TRIM9: variants seen among roughly 807,000 people sequenced by gnomAD.
TRIM9 encodes E3 ubiquitin-protein ligase TRIM9.
In TRIM9, 26 loss-of-function variants were observed where a neutral mutation model predicts 78.3. That is an observed-to-expected ratio of 0.33 (90% CI 0.24 to 0.46). The LOEUF is 0.46. Ranked by LOEUF, TRIM9 falls within the 20% of genes least tolerant of loss-of-function variation. TRIM9 has a pLI of 1.00. For synonymous variants in TRIM9, 398 were observed against 416.5 expected (o/e 0.96, Z 0.54); for missense variants, 787 against 1,036.4 (o/e 0.76, Z 3.30).
intron 5 of TRIM9, 96 bp from the exon 6 acceptor site, chr14:51,000,936 A>C: frequency 6.9e-7 from 1 of 1,445,578 alleles, no homozygotes; most frequent in Non-Finnish European, 9.5e-7. Flanking sequence ...ACGTGGTTAG[A>C]AGTAGCCAGA....
chr14:51,009,357 T>C (rs903589537), intron 4 of TRIM9, 124 bp from the exon 5 acceptor site: 4 of 1,184,882 alleles, frequency 3.4e-6, no homozygotes, highest in Admixed American at 4.7e-5. Flanking sequence ...TCTGACTGCC[T>C]CAGTGCTGTT....
chr14:50,990,726 C>A (rs1488097045), intron 7 of TRIM9, among the ~76,000 whole-genome samples: 1 of 152,170 alleles, frequency 6.6e-6, no homozygotes, highest in Non-Finnish European at 1.5e-5. Context: ...ACTTAAGCAG[C>A]CCTTGAACCC....
At chr14:51,049,297 CA>C (rs1310821537) in intron 1 of TRIM9, among the ~76,000 whole-genome samples, 3 of 152,060 alleles carry the variant, frequency 2.0e-5, no homozygotes, top group African/African-American at 4.8e-5. Context: ...TTTTGTTTTA[CA>C]GATTGAAAAG....
At position 50,994,136 on chromosome 14, in the gene TRIM9, T is replaced by G. The variant is rs148666748; in HGVS notation, c.1603+3914A>C. On this transcript the variant is annotated intron_variant, in intron 7 of 12. Transcript: ENST00000684578. The stretch of plus-strand genomic sequence containing the variant: ...TCAAAGGCAGGTAGGGGCTACATGG[T>G]GGCTCATGCCTGTCATCCCAGTACT... 1.4e-4 allele frequency among the ~76,000 whole-genome samples: 21 copies of G among 152,328 alleles called. No homozygotes were observed. In the East Asian group the frequency reaches 3.7e-3, roughly 27 times the overall value.
intron 5 of TRIM9, among the ~76,000 whole-genome samples, chr14:51,001,448 C>G (rs1332189591): frequency 6.6e-6 from 1 of 152,048 alleles, no homozygotes; most frequent in Non-Finnish European, 1.5e-5. Context: ...CCAGGATGGT[C>G]TTGATCTCCT....
chr14:51,032,337 T>C lies in TRIM9; in HGVS notation c.823-6977A>G, dbSNP rs1230549087. On this transcript the variant is annotated intron_variant, in intron 1 of 12. Transcript: ENST00000684578. ...CTAACTGTAGTGAATACTGTGGTGCTCTACCCAGAATATTCTCTCAAAGAC... is the reference window on the plus strand; with the variant it reads ...CTAACTGTAGTGAATACTGTGGTGCCCTACCCAGAATATTCTCTCAAAGAC... Among the ~76,000 whole-genome samples, 3 of 152,200 alleles carry C rather than the reference T, an allele frequency of 2.0e-5. No homozygotes were observed. In the South Asian group the frequency reaches 6.2e-4, roughly 32 times the overall value.
At chr14:50,997,999 T>G in intron 7 of TRIM9, 51 bp downstream of exon 7, 1 of 1,611,508 alleles carries the variant, frequency 6.2e-7, no homozygotes. Context: ...TGCCAGCCAC[T>G]TTAGATGCCA....
chr14:51,061,487 T>C (rs2061349665), intron 1 of TRIM9, among the ~76,000 whole-genome samples: 1 of 152,180 alleles, frequency 6.6e-6, no homozygotes, highest in African/African-American at 2.4e-5. Flanking sequence ...AGTCCTCTGA[T>C]ACATGTACAA....
chr14:51,051,822 C>A (rs1212605032), intron 1 of TRIM9, among the ~76,000 whole-genome samples: 2 of 151,992 alleles, frequency 1.3e-5, no homozygotes, highest in Non-Finnish European at 2.9e-5. Flanking sequence ...CAAAAATAAG[C>A]CAGGCATGGT....
At chr14:51,084,303 C>T (rs1171170924) in intron 1 of TRIM9, among the ~76,000 whole-genome samples, 2 of 152,152 alleles carry the variant, frequency 1.3e-5, no homozygotes, top group Non-Finnish European at 2.9e-5. Flanking sequence ...AGTGTTCACA[C>T]AAGTTCCTAC....
intron 3 of TRIM9, among the ~76,000 whole-genome samples, chr14:51,016,302 C>T (rs545097535): frequency 4.6e-5 from 7 of 152,176 alleles, no homozygotes; most frequent in Admixed American, 6.5e-5. Flanking sequence ...AGGAGGTGAG[C>T]GGCGGCCACC....
chr14:50,987,361 G>A (rs2052853665), intron 7 of TRIM9, among the ~76,000 whole-genome samples: 1 of 152,184 alleles, frequency 6.6e-6, no homozygotes, highest in Non-Finnish European at 1.5e-5. Context: ...CTGAACAAGG[G>A]CATTGGCAAG....
At chr14:51,033,014 A>G (rs1267154952) in intron 1 of TRIM9, among the ~76,000 whole-genome samples, 1 of 152,192 alleles carries the variant, frequency 6.6e-6, no homozygotes, top group African/African-American at 2.4e-5. Context: ...AGAATCTGCA[A>G]CACTCAAAAT....
chr14:51,061,277 G>C (rs1450555106), intron 1 of TRIM9, among the ~76,000 whole-genome samples: 1 of 152,078 alleles, frequency 6.6e-6, no homozygotes, highest in Non-Finnish European at 1.5e-5. Context: ...GCTGGGCGTG[G>C]TGGTGGGCAC....
chr14:51,077,702 C>T (rs1189321349), intron 1 of TRIM9, among the ~76,000 whole-genome samples: 2 of 152,082 alleles, frequency 1.3e-5, no homozygotes, highest in African/African-American at 4.8e-5. Context: ...CTGTCCTAAA[C>T]CAATTCTAAT....
In TRIM9 at chr14:50,998,034, T is replaced by G. The variant is rs1428573030; in HGVS notation, c.1603+16A>C. On this transcript the variant is annotated intron_variant, in intron 7 of 12. Transcript: ENST00000684578. Reference sequence around the variant, plus strand: ...ACGCAGTTCTCGCTCTGAGGGATACTGCTGAAGGGCCTTACCCTCAGACGT... The same window carrying G: ...ACGCAGTTCTCGCTCTGAGGGATACGGCTGAAGGGCCTTACCCTCAGACGT... 1 of 1,614,122 alleles carries G rather than the reference T, an allele frequency of 6.2e-7. No homozygotes were observed. Among genetic ancestry groups the G allele is most frequent in the East Asian group, 2.2e-5 (1 of 44,892 alleles).
At position 51,094,165 on chromosome 14, in the gene TRIM9, A is replaced by C. The variant is rs771034839; in HGVS notation, c.775T>G (p.Ser259Ala). The C allele has an allele frequency of 6.2e-7, 1 of 1,614,014 alleles. No homozygotes were observed. The highest frequency in any genetic ancestry group is 8.5e-7 in the Non-Finnish European group (1 of 1,180,018). The stretch of plus-strand genomic sequence containing the variant: ...CCCAGAGCCTTGACTTCGTGGCTGG[A>C]GTGTTTGCCCTCCTCCAAGCACTGG... ...CYQCLEEGKH[S>A]SHEVKALGAM... The change falls in exon 1 of 13, where the codon TCC (serine) becomes GCC (alanine). Residue 259 changes from serine (S) to alanine (A), a missense_variant. By Grantham distance (99) the Ser-to-Ala change is moderately conservative (BLOSUM62 1). This residue lies in a region of TRIM9 where 352 missense variants were observed against 472.3 expected (regional missense o/e 0.75). Coordinates refer to ENST00000684578, the MANE Select transcript of TRIM9 (RefSeq NM_001387360.1).
At chr14:51,009,007 G>T (rs2056217951) in intron 5 of TRIM9, 73 bp downstream of exon 5, 1 of 1,479,962 alleles carries the variant, frequency 6.8e-7, no homozygotes, top group Non-Finnish European at 9.3e-7. Context: ...AGCCAAAGGG[G>T]TACTGATCCT....
intron 3 of TRIM9, among the ~76,000 whole-genome samples, chr14:51,012,324 T>C (rs916539274): frequency 5.9e-5 from 9 of 152,264 alleles, no homozygotes; most frequent in Non-Finnish European, 7.3e-5. Flanking sequence ...AGTGCAATCA[T>C]ATAATATTTG....
Sources: allele counts gnomAD v4.1 joint callset (sites outside exome capture counted in the v4.1 genomes callset), GRCh38; gene constraint gnomAD v4.1.1; regional missense constraint gnomAD v4.1.1; transcripts MANE v1.5; gene names NCBI Gene and HGNC (gene_info 2026-07-23, HGNC 2026-07-21).